The following TANC2 variants were observed in gnomAD, a reference collection of about 807,000 sequenced individuals.
The protein encoded by TANC2 is protein TANC2.
A neutral mutation model predicts 210.5 loss-of-function variants in TANC2; 26 were observed. That is an observed-to-expected ratio of 0.12 (90% CI 0.09 to 0.17). TANC2 has a LOEUF of 0.17. Among genes scored for constraint, TANC2 ranks in the 10% least tolerant of loss-of-function variants. The pLI is 1.00. For synonymous variants in TANC2, 931 were observed against 967.1 expected, an observed-to-expected ratio of 0.96 and a Z score of 0.69; for missense variants, 2,129 against 2,608.9, an observed-to-expected ratio of 0.82 and a Z score of 4.01.
At chr17:63,095,181 G>GT (rs1461622778) in intron 3 of TANC2, among the ~76,000 whole-genome samples, 1 of 151,840 alleles carries the variant, frequency 6.6e-6, no homozygotes, top group South Asian at 2.1e-4. Context: ...TTTCTTTGTT[G>GT]TTTTTTTCAG....
At chr17:62,992,890 G>A (rs962962286) in intron 1 of TANC2, among the ~76,000 whole-genome samples, 1 of 152,216 alleles carries the variant, frequency 6.6e-6, no homozygotes, top group Non-Finnish European at 1.5e-5. Context: ...GAAGTCAGAA[G>A]TTTGAAATGA....
At chr17:63,047,835 G>A (rs142248375) in intron 2 of TANC2, among the ~76,000 whole-genome samples, 186 of 152,220 alleles carry the variant, frequency 1.2e-3, no homozygotes, top group Non-Finnish European at 2.2e-3. Flanking sequence ...AATTTTATGT[G>A]GCAACTGAAG....
intron 5 of TANC2, among the ~76,000 whole-genome samples, chr17:63,171,450 T>A (rs1244223124): frequency 6.6e-6 from 1 of 152,162 alleles, no homozygotes; most frequent in Non-Finnish European, 1.5e-5. Flanking sequence ...TATTACCTTC[T>A]ACAGTAGTCA....
intron 11 of TANC2, among the ~76,000 whole-genome samples, chr17:63,324,298 A>G (rs1334377001): frequency 6.6e-6 from 1 of 152,232 alleles, no homozygotes; most frequent in East Asian, 1.9e-4. Flanking sequence ...TATGTAAGAA[A>G]AAAAGTAAAT....
At chr17:63,208,319 G>A (rs1005769229) in intron 7 of TANC2, among the ~76,000 whole-genome samples, 1 of 152,064 alleles carries the variant, frequency 6.6e-6, no homozygotes, top group Non-Finnish European at 1.5e-5. Context: ...TAAATGTCTA[G>A]GTCTTTTTCT....
At chr17:63,180,704 T>A (rs2040751112) in intron 5 of TANC2, among the ~76,000 whole-genome samples, 1 of 152,114 alleles carries the variant, frequency 6.6e-6, no homozygotes, top group African/African-American at 2.4e-5. Flanking sequence ...TCCTATGTGT[T>A]AGGCACTGAG....
rs369186337 is a variant in TANC2 at position 63,053,688 on chromosome 17, A to C, written c.68-20255A>C. On this transcript the variant is annotated intron_variant, in intron 2 of 27. Transcript: ENST00000689528. ...TTCTATGCCTATTTGTCTAATAAGCATTTGAAACTTAGTATTTCCAAAACT... is the reference window on the plus strand; with the variant it reads ...TTCTATGCCTATTTGTCTAATAAGCCTTTGAAACTTAGTATTTCCAAAACT... Among the ~76,000 whole-genome samples, 8 of 152,226 alleles carry C rather than the reference A, an allele frequency of 5.3e-5. No homozygotes were observed. In the East Asian group the frequency reaches 1.2e-3, roughly 22 times the overall value.
At chr17:63,210,337 G>A (rs2041847012) in intron 7 of TANC2, among the ~76,000 whole-genome samples, 1 of 152,094 alleles carries the variant, frequency 6.6e-6, no homozygotes, top group African/African-American at 2.4e-5. Context: ...ATGGACACAT[G>A]TCCAGGAATA....
At chr17:63,303,903 C>T (rs967607433) in intron 9 of TANC2, among the ~76,000 whole-genome samples, 2 of 151,778 alleles carry the variant, frequency 1.3e-5, no homozygotes, top group Non-Finnish European at 2.9e-5. Context: ...GTGTATGCTT[C>T]ACGAAGTTCT....
At chr17:63,265,362 A>C (rs1325869252) in intron 8 of TANC2, among the ~76,000 whole-genome samples, 5 of 152,214 alleles carry the variant, frequency 3.3e-5, no homozygotes, top group Non-Finnish European at 7.4e-5. Flanking sequence ...TACTCAACCT[A>C]TATCAGTCTT....
chr17:63,358,379 A>ATGTGTGTGTGTGTGTGTGTGTGTG (rs375498280), intron 14 of TANC2, among the ~76,000 whole-genome samples: 21 of 139,536 alleles, frequency 1.5e-4, no homozygotes, highest in African/African-American at 1.9e-4. Flanking sequence ...GAGAGAGAGT[A>ATGTGTGTGTGTGTGTGTGTGTGTG]TGTGTGTGTG....
chr17:63,356,973 C>T (rs909093374), intron 14 of TANC2, among the ~76,000 whole-genome samples: 1 of 152,154 alleles, frequency 6.6e-6, no homozygotes, highest in East Asian at 1.9e-4. Flanking sequence ...ATAGCGACAG[C>T]CATCTTCTGC....
At chr17:63,309,410 A>G (rs1266029168) in intron 9 of TANC2, among the ~76,000 whole-genome samples, 1 of 150,396 alleles carries the variant, frequency 6.6e-6, no homozygotes, top group African/African-American at 2.5e-5. Flanking sequence ...AATGGTAGAT[A>G]TAGTTTGCTT....
intron 3 of TANC2, among the ~76,000 whole-genome samples, chr17:63,079,536 T>C (rs995146299): frequency 1.3e-5 from 2 of 152,204 alleles, no homozygotes; most frequent in East Asian, 3.8e-4. Context: ...TATTACAATA[T>C]AGATAGCACT....
intron 9 of TANC2, among the ~76,000 whole-genome samples, chr17:63,297,830 C>A (rs548734625): frequency 6.6e-6 from 1 of 151,534 alleles, no homozygotes; most frequent in Admixed American, 6.6e-5. Context: ...GGTCTAGTAT[C>A]CAGAATATAT....
intron 7 of TANC2, among the ~76,000 whole-genome samples, chr17:63,230,213 AT>A (rs886102739): frequency 6.6e-6 from 1 of 151,038 alleles, no homozygotes. Flanking sequence ...CATTTTATTA[AT>A]TTTTTTCAAA....
At chr17:63,322,425 G>C (rs962944458) in intron 11 of TANC2, among the ~76,000 whole-genome samples, 2 of 152,190 alleles carry the variant, frequency 1.3e-5, no homozygotes, top group Non-Finnish European at 2.9e-5. Context: ...GTGAACCTGG[G>C]AGGTGGAGCT....
At chr17:63,136,435 C>A (rs564981793) in intron 4 of TANC2, among the ~76,000 whole-genome samples, 1 of 152,098 alleles carries the variant, frequency 6.6e-6, no homozygotes, top group Non-Finnish European at 1.5e-5. Flanking sequence ...GCCTTAAGTT[C>A]TAAATAGATG....
intron 9 of TANC2, among the ~76,000 whole-genome samples, chr17:63,269,487 G>C (rs1160370987): frequency 6.6e-6 from 1 of 152,088 alleles, no homozygotes; most frequent in East Asian, 1.9e-4. Flanking sequence ...AGATTTGATT[G>C]AAAATCTGCC....
Sources: allele counts gnomAD v4.1 joint callset (sites outside exome capture counted in the v4.1 genomes callset), GRCh38; gene constraint gnomAD v4.1.1; transcripts MANE v1.5; gene names NCBI Gene and HGNC (gene_info 2026-07-23, HGNC 2026-07-21).